The following UBE2U variants were observed in gnomAD, a reference collection of about 807,000 sequenced individuals.
UBE2U encodes the protein ubiquitin-conjugating enzyme E2 U.
In UBE2U, 39 loss-of-function variants were observed where a neutral mutation model predicts 41.2. The observed-to-expected ratio is 0.95, with a 90% confidence interval of 0.73 to 1.24. The LOEUF is 1.24. Ranked by LOEUF, UBE2U falls within the 50% of genes most tolerant of loss-of-function variation. The pLI is 0.00. For synonymous variants in UBE2U, 107 were observed against 117.8 expected, an observed-to-expected ratio of 0.91 and a Z score of 0.60; for missense variants, 336 against 363.1, an observed-to-expected ratio of 0.93 and a Z score of 0.61.
At chr1:64,257,474 A>G (rs1645112534) in intron 8 of UBE2U, among the ~76,000 whole-genome samples, 1 of 152,188 alleles carries the variant, frequency 6.6e-6, no homozygotes, top group African/African-American at 2.4e-5. Flanking sequence ...TCATGGATGG[A>G]GTCGGAAGCC....
chr1:64,232,143 T>C (rs563945800), intron 6 of UBE2U, among the ~76,000 whole-genome samples: 2 of 152,310 alleles, frequency 1.3e-5, no homozygotes, highest in East Asian at 1.9e-4. Context: ...TCTGTCCCCA[T>C]TATAAGAAAT....
Position 64,205,636 on chromosome 1 carries a change from A to G in UBE2U, c.67-3A>G. The stretch of plus-strand genomic sequence containing the variant: ...CTGATTTAATTTTGTTTTTAACTTC[A>G]AGGGTATCACTGCTAAGCCTGTAAG... On this transcript the variant is annotated splice_region_variant and splice_polypyrimidine_tract_variant and intron_variant, in intron 1 of 9. Coordinates refer to ENST00000371077, the MANE Select transcript of UBE2U (RefSeq NM_001366232.2). 1 of 1,606,704 alleles carries G rather than the reference A, an allele frequency of 6.2e-7. No homozygotes were observed. The highest frequency in any genetic ancestry group is 1.1e-5 in the South Asian group (1 of 89,062).
At chr1:64,250,708 A>G (rs1644993416) in intron 8 of UBE2U, among the ~76,000 whole-genome samples, 2 of 152,144 alleles carry the variant, frequency 1.3e-5, no homozygotes, top group South Asian at 2.1e-4. Context: ...TGTGGCACAT[A>G]TACACCATGG....
At chr1:64,249,744 A>ATAGAAAAAAAGC (rs1250245841) in intron 8 of UBE2U, among the ~76,000 whole-genome samples, 9 of 152,040 alleles carry the variant, frequency 5.9e-5, no homozygotes, top group Non-Finnish European at 2.9e-5. Flanking sequence ...AGAAAAAAAG[A>ATAGAAAAAAAGC]CTGAAAAGAA....
At position 64,204,339 on chromosome 1, in the gene UBE2U, G is replaced by A. The variant is rs114401859; in HGVS notation, c.66+223G>A. ...TTAACAATATTGAACATATTATGCA[G>A]AGTAATTTATGTGGATCTAGGCACT... is the stretch of plus-strand genomic sequence containing the variant. On this transcript the variant is annotated intron_variant, in intron 1 of 9. Transcript: ENST00000371077. Among the ~76,000 whole-genome samples the A allele has an allele frequency of 7.9e-3, 1,207 of 152,238 alleles. 26 individuals carry two copies. Among genetic ancestry groups the A allele is most frequent in the African/African-American group, 0.028 (1,157 of 41,530 alleles).
Position 64,204,070 on chromosome 1 carries a change from T to G in UBE2U, c.20T>G (p.Leu7Arg). The G allele has an allele frequency of 6.2e-7, 1 of 1,613,920 alleles. No homozygotes were observed. Among genetic ancestry groups the G allele is most frequent in the South Asian group, 1.1e-5 (1 of 91,022 alleles). Residue 7 changes from leucine to arginine, a missense_variant, in exon 1 of 10, where the codon CTC (leucine) becomes CGC (arginine). Physicochemically the swap from Leu to Arg is moderately radical, Grantham distance 102. Transcript: ENST00000371077. MHGRAY[L>R]LLHRDFCDLK... ...CCTATCATGCACGGCAGAGCTTACC[T>G]CTTGCTGCACAGAGACTTCTGTGAT...
rs370254900 is a variant in UBE2U at position 64,205,766 on chromosome 1, C to T, written c.148+46C>T. The T allele has an allele frequency of 2.1e-6, 3 of 1,455,136 alleles. No homozygotes were observed. The African/African-American group carries it at 4.2e-5, about 21-fold the overall frequency. The allele number at this position is 1,455,136 out of a possible 1,614,324, so 90.1% of individuals were successfully genotyped here. A position where few individuals can be genotyped will look rare whatever the true frequency, so the allele number is the denominator to read the frequency against. ...TCTATTTTTTAAAAAAGTCTTTATA[C>T]CATTATTAGCCCATCCTCTTTTTAT... On this transcript the variant is annotated intron_variant, in intron 2 of 9. Transcript: ENST00000371077.
At chr1:64,251,084 A>T (rs1186586279) in intron 8 of UBE2U, among the ~76,000 whole-genome samples, 2 of 151,772 alleles carry the variant, frequency 1.3e-5, no homozygotes, top group East Asian at 3.9e-4. Context: ...TAAATCAATA[A>T]ATAGGGAATC....
intron 7 of UBE2U, among the ~76,000 whole-genome samples, chr1:64,233,953 C>T (rs1451095892): frequency 2.6e-5 from 4 of 152,162 alleles, no homozygotes; most frequent in African/African-American, 9.7e-5. Context: ...TACATGATAC[C>T]ATACATCCAT....
chr1:64,213,253 T>A (rs115987511), intron 4 of UBE2U, among the ~76,000 whole-genome samples: 1 of 151,772 alleles, frequency 6.6e-6, no homozygotes, highest in African/African-American at 2.4e-5. Context: ...TCAATTCAGA[T>A]AAAAAAAACA....
chr1:64,207,161 T>G (rs1651346859), intron 3 of UBE2U, among the ~76,000 whole-genome samples: 1 of 151,924 alleles, frequency 6.6e-6, no homozygotes, highest in African/African-American at 2.4e-5. Context: ...TTTTATGGTG[T>G]TTTTTTTGAG....
At chr1:64,261,968 A>G (rs1645185973) in intron 9 of UBE2U, among the ~76,000 whole-genome samples, 1 of 152,174 alleles carries the variant, frequency 6.6e-6, no homozygotes, top group African/African-American at 2.4e-5. Flanking sequence ...TGACACAGAA[A>G]ATCCTTAATG....
At chr1:64,239,164 AAGAAGAAGAAG>A (rs1644775020) in intron 7 of UBE2U, among the ~76,000 whole-genome samples, 2 of 84,314 alleles carry the variant, frequency 2.4e-5, no homozygotes, top group Middle Eastern at 4.3e-3. Context: ...AAGAAAGAAG[AAGAAGAAGAAG>A]AAGAAGAAGA....
At chr1:64,233,303 G>A (rs1039568780) in intron 7 of UBE2U, among the ~76,000 whole-genome samples, 4 of 151,948 alleles carry the variant, frequency 2.6e-5, no homozygotes, top group South Asian at 2.1e-4. Context: ...CACCACACCC[G>A]GCCTTATTTT....
chr1:64,241,312 C>T (rs1162074823), intron 7 of UBE2U, among the ~76,000 whole-genome samples: 1 of 152,174 alleles, frequency 6.6e-6, no homozygotes, highest in Non-Finnish European at 1.5e-5. Context: ...TGAGTAACTC[C>T]ATTTTGTTTG....
chr1:64,207,592 AC>A lies in UBE2U; in HGVS notation c.241+737del, dbSNP rs112590997. Among the ~76,000 whole-genome samples, 139 of 152,358 alleles carry A rather than the reference AC, an allele frequency of 9.1e-4. 2 individuals are homozygous for A. The highest frequency in any genetic ancestry group is 3.4e-3 in the Middle Eastern group (1 of 294). On this transcript the variant is annotated intron_variant, in intron 3 of 9. Coordinates refer to ENST00000371077, the MANE Select transcript of UBE2U (RefSeq NM_001366232.2). The stretch of plus-strand genomic sequence containing the variant: ...TCTAATTTTTCATTATTATAAAAAA[AC>A]GATGCACTGGACAGATTAACTTTTT...
chr1:64,253,564 C>G (rs1570134867), intron 8 of UBE2U, among the ~76,000 whole-genome samples: 1 of 152,138 alleles, frequency 6.6e-6, no homozygotes, highest in Non-Finnish European at 1.5e-5. Context: ...CAGTGGACCT[C>G]TCAGCAGAAA....
intron 8 of UBE2U, chr1:64,244,362 A>G (rs1194504073): frequency 4.1e-6 from 3 of 723,730 alleles, no homozygotes; most frequent in Non-Finnish European, 5.1e-6. Flanking sequence ...TATATCTGTT[A>G]CATATATAAA....
intron 7 of UBE2U, among the ~76,000 whole-genome samples, chr1:64,239,524 C>T (rs1461897528): frequency 8.6e-6 from 1 of 116,918 alleles, no homozygotes; most frequent in Non-Finnish European, 1.7e-5. Context: ...CCCCCTCCCC[C>T]CACCCCACGA....
Sources: allele counts gnomAD v4.1 joint callset (sites outside exome capture counted in the v4.1 genomes callset), GRCh38; gene constraint gnomAD v4.1.1; transcripts MANE v1.5; gene names NCBI Gene and HGNC (gene_info 2026-07-23, HGNC 2026-07-21).